Variants in ADAM32 observed in about 807,000 individuals in gnomAD.
The protein encoded by ADAM32 is ADAM metallopeptidase domain 32.
In ADAM32, 89 loss-of-function variants were observed where a neutral mutation model predicts 114.9. That is an observed-to-expected ratio of 0.77 (90% CI 0.65 to 0.92). ADAM32 has a LOEUF of 0.92. ADAM32 is among the 40% of genes least tolerant of loss of function. The pLI, the probability that ADAM32 is intolerant of heterozygous loss-of-function variation, is 0.00. For synonymous variants in ADAM32, 285 were observed against 307.5 expected, an observed-to-expected ratio of 0.93 and a Z score of 0.77; for missense variants, 870 against 932.8, an observed-to-expected ratio of 0.93 and a Z score of 0.88.
chr8:39,241,719 G>A (rs1810566660), intron 16 of ADAM32, among the ~76,000 whole-genome samples: 1 of 152,194 alleles, frequency 6.6e-6, no homozygotes, highest in African/African-American at 2.4e-5. Flanking sequence ...GGCCCACAAA[G>A]TCATTTTTTC....
At chr8:39,247,985 A>G (rs1811039061) in intron 17 of ADAM32, among the ~76,000 whole-genome samples, 1 of 151,962 alleles carries the variant, frequency 6.6e-6, no homozygotes, top group African/African-American at 2.4e-5. Flanking sequence ...CCTTTGTCAG[A>G]GATCAGTTGA....
rs2129448864 is a variant in ADAM32, at chr8:39,223,104, G to T, written c.1391G>T (p.Cys464Phe). Residue 464 changes from cysteine to phenylalanine, a missense_variant, in exon 14 of 25, where the codon TGT becomes TTT. Coordinates refer to ENST00000379907, the MANE Select transcript of ADAM32 (RefSeq NM_145004.7). ...CCTGAATGTGACATCGCTGAAAATTGTAATGGAACCTCACCAGAATGTGGT... is the reference window on the plus strand; with the variant it reads ...CCTGAATGTGACATCGCTGAAAATTTTAATGGAACCTCACCAGAATGTGGT... ...AHPECDIAEN[C>F]NGTSPECGPD... The T allele has an allele frequency of 1.3e-6, 2 of 1,593,752 alleles. No homozygotes were observed. Among genetic ancestry groups the T allele is most frequent in the South Asian group, 2.3e-5 (2 of 87,232 alleles).
intron 19 of ADAM32, among the ~76,000 whole-genome samples, chr8:39,262,519 C>T (rs1035380688): frequency 6.6e-6 from 1 of 151,962 alleles, no homozygotes; most frequent in Non-Finnish European, 1.5e-5. Flanking sequence ...GATTGTTTGG[C>T]TATTCAGGGC....
chr8:39,124,570 A>G (rs1315179521), intron 2 of ADAM32, among the ~76,000 whole-genome samples: 1 of 152,044 alleles, frequency 6.6e-6, no homozygotes, highest in Non-Finnish European at 1.5e-5. Context: ...GGCACCTGCC[A>G]TCATGCCCAG....
chr8:39,213,393 T>A (rs1440936271), intron 12 of ADAM32, among the ~76,000 whole-genome samples: 1 of 151,040 alleles, frequency 6.6e-6, no homozygotes, highest in Non-Finnish European at 1.5e-5. Flanking sequence ...AACTATAATT[T>A]CCCTACTGTA....
intron 2 of ADAM32, among the ~76,000 whole-genome samples, chr8:39,121,537 C>T (rs186427735): frequency 8.2e-4 from 125 of 152,118 alleles, no homozygotes; most frequent in Admixed American, 1.9e-3. Context: ...CACCATGGCA[C>T]GTGCATACCT....
At chr8:39,124,687 T>C (rs1031950280) in intron 2 of ADAM32, among the ~76,000 whole-genome samples, 1 of 152,214 alleles carries the variant, frequency 6.6e-6, no homozygotes, top group Non-Finnish European at 1.5e-5. Context: ...AGTGCTGAGA[T>C]TACAGGCATA....
chr8:39,164,942 T>C, intron 8 of ADAM32, 88 bp from the exon 9 acceptor site: 2 of 1,479,700 alleles, frequency 1.4e-6, no homozygotes, highest in Admixed American at 4.2e-5. Context: ...ATAAACTGAG[T>C]GTGGGATTGT....
At chr8:39,135,927 C>T (rs1481480857) in intron 2 of ADAM32, among the ~76,000 whole-genome samples, 1 of 152,142 alleles carries the variant, frequency 6.6e-6, no homozygotes, top group Non-Finnish European at 1.5e-5. Context: ...CAAACTGCCT[C>T]ATTCTTCTTT....
chr8:39,221,511 T>C, intron 12 of ADAM32, 99 bp from the exon 13 acceptor site: 2 of 898,810 alleles, frequency 2.2e-6, no homozygotes, highest in Admixed American at 2.3e-5. Flanking sequence ...TCATATCCTT[T>C]TCCAAATTCA....
intron 19 of ADAM32, among the ~76,000 whole-genome samples, chr8:39,265,779 T>A (rs552709453): frequency 1.4e-4 from 22 of 152,152 alleles, no homozygotes; most frequent in Non-Finnish European, 3.1e-4. Context: ...CATGTAAGTA[T>A]GATTTTGTGG....
intron 14 of ADAM32, among the ~76,000 whole-genome samples, chr8:39,229,718 A>T (rs187008934): frequency 3.5e-4 from 53 of 152,324 alleles, no homozygotes; most frequent in African/African-American, 1.2e-3. Context: ...TAATAGATCT[A>T]AGAAATGAGA....
intron 10 of ADAM32, among the ~76,000 whole-genome samples, chr8:39,179,161 C>T (rs1431243537): frequency 1.3e-5 from 2 of 152,170 alleles, no homozygotes; most frequent in Non-Finnish European, 2.9e-5. Flanking sequence ...TATGGCCATC[C>T]CTTCCCCCTG....
chr8:39,160,311 C>T (rs1178332254), intron 6 of ADAM32, among the ~76,000 whole-genome samples: 3 of 152,102 alleles, frequency 2.0e-5, no homozygotes, highest in Admixed American at 6.5e-5. Context: ...GAGGCCAAGG[C>T]GGGCGGATCG....
At chr8:39,154,791 G>T (rs1464449834) in intron 6 of ADAM32, among the ~76,000 whole-genome samples, 1 of 152,060 alleles carries the variant, frequency 6.6e-6, no homozygotes, top group Non-Finnish European at 1.5e-5. Context: ...TTAATGACCA[G>T]GGATGATGAG....
At chr8:39,113,116 C>A (rs1840232352) in intron 1 of ADAM32, among the ~76,000 whole-genome samples, 1 of 152,180 alleles carries the variant, frequency 6.6e-6, no homozygotes, top group Non-Finnish European at 1.5e-5. Context: ...TCTCTGCTCT[C>A]TTGAAGCACT....
upstream of ADAM32, chr8:39,107,645 G>A: frequency 6.7e-7 from 1 of 1,496,270 alleles, no homozygotes; most frequent in Non-Finnish European, 8.9e-7. Context: ...AGAGCACCCC[G>A]TCTCCGGGGC....
intron 17 of ADAM32, among the ~76,000 whole-genome samples, chr8:39,249,563 G>A (rs1198340421): frequency 6.6e-6 from 1 of 152,128 alleles, no homozygotes; most frequent in African/African-American, 2.4e-5. Context: ...GATTGTAAGA[G>A]ATTATAGAAA....
At chr8:39,268,942 C>G (rs1416523448) in intron 19 of ADAM32, among the ~76,000 whole-genome samples, 2 of 152,214 alleles carry the variant, frequency 1.3e-5, no homozygotes, top group African/African-American at 4.8e-5. Flanking sequence ...AGGTGGAACT[C>G]AAACTATTCC....
Sources: allele counts gnomAD v4.1 joint callset (sites outside exome capture counted in the v4.1 genomes callset), GRCh38; gene constraint gnomAD v4.1.1; transcripts MANE v1.5; gene names NCBI Gene and HGNC (gene_info 2026-07-23, HGNC 2026-07-21).